PTPRT: variants seen among roughly 807,000 people sequenced by gnomAD.
PTPRT encodes the protein protein tyrosine phosphatase receptor type T.
PTPRT carries 56 observed loss-of-function variants against 176.8 expected under a neutral mutation model. That is an observed-to-expected ratio of 0.32 (90% CI 0.26 to 0.40). PTPRT has a LOEUF of 0.40. Ranked by LOEUF, PTPRT falls within the 10% of genes least tolerant of loss-of-function variation. The pLI is 1.00. For missense variants in PTPRT, 1,540 were observed against 1,908.2 expected (o/e 0.81, Z 3.60); for synonymous variants, 783 against 739.0 (o/e 1.06, Z -0.96).
chr20:42,450,403 G>C (rs1188127371), intron 8 of PTPRT, among the ~76,000 whole-genome samples: 1 of 152,136 alleles, frequency 6.6e-6, no homozygotes, highest in African/African-American at 2.4e-5. Flanking sequence ...AAAAAATTAA[G>C]TGCATGTGTA....
intron 1 of PTPRT, among the ~76,000 whole-genome samples, chr20:43,079,004 T>C (rs917717257): frequency 6.6e-6 from 1 of 152,218 alleles, no homozygotes; most frequent in African/African-American, 2.4e-5. Context: ...TCTACAGTTC[T>C]GTTCTAGACC....
chr20:43,149,729 G>A (rs1343162703), intron 1 of PTPRT, among the ~76,000 whole-genome samples: 1 of 152,166 alleles, frequency 6.6e-6, no homozygotes, highest in African/African-American at 2.4e-5. Flanking sequence ...CGTGGTAGAT[G>A]GTTCCTGCCG....
chr20:43,007,872 C>T (rs1318734560), intron 1 of PTPRT, among the ~76,000 whole-genome samples: 2 of 152,308 alleles, frequency 1.3e-5, no homozygotes, highest in South Asian at 2.1e-4. Context: ...AAGTTATAAC[C>T]TCTCTTTGCC....
intron 7 of PTPRT, among the ~76,000 whole-genome samples, chr20:42,627,165 G>C (rs6030380): frequency 0.23 from 34,747 of 152,106 alleles, 4,372 homozygotes; most frequent in Non-Finnish European, 0.29. Context: ...CATGCTTAAA[G>C]TCTCATAAAA....
chr20:42,883,663 A>ACCCCTTACACC, intron 2 of PTPRT, among the ~76,000 whole-genome samples: 1 of 10,382 alleles, frequency 9.6e-5, no homozygotes, highest in Admixed American at 9.9e-4. Flanking sequence ...ATATACACAC[A>ACCCCTTACACC]CCCATACAAA....
intron 1 of PTPRT, among the ~76,000 whole-genome samples, chr20:42,954,364 A>G (rs528498635): frequency 6.6e-6 from 1 of 152,268 alleles, no homozygotes; most frequent in South Asian, 2.1e-4. Context: ...GGAGGAATTG[A>G]TGGAAGACTT....
At chr20:43,160,515 G>A (rs1200012604) in intron 1 of PTPRT, among the ~76,000 whole-genome samples, 2 of 152,012 alleles carry the variant, frequency 1.3e-5, no homozygotes, top group African/African-American at 4.8e-5. Flanking sequence ...GATTTTTCTT[G>A]GCAGCCCCAA....
chr20:42,369,342 G>C (rs1340692148), intron 9 of PTPRT, among the ~76,000 whole-genome samples: 1 of 152,138 alleles, frequency 6.6e-6, no homozygotes, highest in Non-Finnish European at 1.5e-5. Flanking sequence ...TGAACCGTGA[G>C]AGCACTCCAA....
intron 1 of PTPRT, among the ~76,000 whole-genome samples, chr20:42,963,803 A>T (rs906629839): frequency 6.6e-6 from 1 of 152,200 alleles, no homozygotes; most frequent in Non-Finnish European, 1.5e-5. Context: ...TTTAGGAAAA[A>T]TTAAATTTAG....
chr20:43,131,326 C>A (rs955466401), intron 1 of PTPRT, among the ~76,000 whole-genome samples: 1 of 152,220 alleles, frequency 6.6e-6, no homozygotes, highest in Admixed American at 6.5e-5. Flanking sequence ...GGGAATCACA[C>A]CTCCACTCTT....
Position 43,056,690 on chromosome 20 carries a change from T to C in PTPRT, c.88+132956A>G, listed in dbSNP as rs144034690. On this transcript the variant is annotated intron_variant, in intron 1 of 30. Transcript: ENST00000373187. ...TATAGTGGAAAAGATCTCAGACACA[T>C]TGAGCCCAAAGCAAAACTGAAAGCC... Among the ~76,000 whole-genome samples, 144 of 152,278 alleles carry C rather than the reference T, an allele frequency of 9.5e-4. 1 individual carries two copies. The highest frequency in any genetic ancestry group is 3.3e-3 in the African/African-American group (139 of 41,554).
At chr20:42,281,345 G>A (rs1393668060) in intron 13 of PTPRT, among the ~76,000 whole-genome samples, 3 of 152,084 alleles carry the variant, frequency 2.0e-5, no homozygotes, top group African/African-American at 7.2e-5. Flanking sequence ...TGAAATCATG[G>A]TGACTTCTTA....
chr20:42,712,813 A>G (rs915276954), intron 6 of PTPRT, among the ~76,000 whole-genome samples: 2 of 152,216 alleles, frequency 1.3e-5, no homozygotes, highest in African/African-American at 4.8e-5. Context: ...GCACAGTGAA[A>G]TAATGTTTGC....
At chr20:42,493,864 C>T (rs542607992) in intron 7 of PTPRT, among the ~76,000 whole-genome samples, 4 of 152,034 alleles carry the variant, frequency 2.6e-5, no homozygotes, top group African/African-American at 9.7e-5. Flanking sequence ...CTGCTCAACA[C>T]ATTCCTAAAG....
At chr20:42,237,063 A>G (rs2056259132) in intron 14 of PTPRT, among the ~76,000 whole-genome samples, 1 of 152,204 alleles carries the variant, frequency 6.6e-6, no homozygotes, top group African/African-American at 2.4e-5. Context: ...CTCTGAGACT[A>G]CATAAAAAGA....
chr20:42,631,838 T>C (rs1046408729), intron 7 of PTPRT, among the ~76,000 whole-genome samples: 3 of 152,188 alleles, frequency 2.0e-5, no homozygotes. Context: ...ACTCTGCACA[T>C]TTTAAAGAGA....
chr20:42,329,997 G>A (rs1267595318), intron 11 of PTPRT, among the ~76,000 whole-genome samples: 2 of 152,086 alleles, frequency 1.3e-5, no homozygotes, highest in Admixed American at 6.5e-5. Flanking sequence ...CCACATGAAC[G>A]ACATGGCATA....
At chr20:42,828,231 C>T (rs2078028933) in intron 2 of PTPRT, among the ~76,000 whole-genome samples, 1 of 152,140 alleles carries the variant, frequency 6.6e-6, no homozygotes, top group African/African-American at 2.4e-5. Context: ...GCAAACGTGA[C>T]TTTTGTTATG....
intron 9 of PTPRT, among the ~76,000 whole-genome samples, chr20:42,413,793 C>G (rs894740077): frequency 6.6e-6 from 1 of 152,166 alleles, no homozygotes; most frequent in African/African-American, 2.4e-5. Context: ...CCTTCTTGAA[C>G]TATCTTTGAT....
Sources: gnomAD v4.1 joint callset for allele counts (sites outside exome capture counted in the v4.1 genomes callset) on GRCh38, gnomAD v4.1.1 for gene constraint, MANE v1.5 for transcripts, NCBI Gene and HGNC (gene_info 2026-07-23, HGNC 2026-07-21) for gene names.